TLN2: variants seen among roughly 807,000 people sequenced by gnomAD.
TLN2 encodes the protein talin-2.
A neutral mutation model predicts 294.7 loss-of-function variants in TLN2; 118 were observed. The ratio of observed to expected loss-of-function variants is 0.40; its 90% CI spans 0.34 to 0.47. The LOEUF is 0.47. Among genes scored for constraint, TLN2 ranks in the 20% least tolerant of loss-of-function variants. The pLI, the probability that TLN2 is intolerant of heterozygous loss-of-function variation, is 0.84. For missense variants in TLN2, 3,083 were observed against 3,282.2 expected, an observed-to-expected ratio of 0.94 and a Z score of 1.48; for synonymous variants, 1,431 against 1,304.5, an observed-to-expected ratio of 1.10 and a Z score of -2.09.
chr15:62,673,424 C>G (rs565835963), intron 9 of TLN2, among the ~76,000 whole-genome samples: 8 of 140,988 alleles, frequency 5.7e-5, no homozygotes, highest in African/African-American at 2.1e-4. Context: ...TTCGCCTCTT[C>G]CATGGAGAAC....
chr15:62,529,711 T>G (rs2140493370), intron 1 of TLN2, among the ~76,000 whole-genome samples: 1 of 152,314 alleles, frequency 6.6e-6, no homozygotes, highest in East Asian at 1.9e-4. Flanking sequence ...TAAGCACAAG[T>G]GATAGTATAC....
chr15:62,755,719 T>C (rs751137908), intron 37 of TLN2, 26 bp downstream of exon 37: 20 of 1,613,194 alleles, frequency 1.2e-5, no homozygotes, highest in Non-Finnish European at 1.6e-5. Context: ...ACCGGCCTTA[T>C]TGAACTCTGT....
intron 1 of TLN2, among the ~76,000 whole-genome samples, chr15:62,409,100 C>G (rs2033611271): frequency 6.6e-6 from 1 of 151,994 alleles, no homozygotes; most frequent in Admixed American, 6.6e-5. Context: ...GCTTCAGCCT[C>G]CTAAGTAGCT....
At position 62,796,143 on chromosome 15, in the gene TLN2, C is replaced by G; in HGVS notation, c.5900C>G (p.Ser1967Trp). The change falls in exon 47 of 59, where the codon TCG becomes TGG. Residue 1967 changes from serine to tryptophan, a missense_variant. By Grantham distance (177) the Ser-to-Trp change is radical. Transcript: ENST00000636159. ...TGCCTACAGGTCTCCTTGGTGCTCT[C>G]GGCTCTCCAGGCCGGGAACAAAGGA... is the stretch of plus-strand genomic sequence containing the variant. ...AVTEKVSLVLSALQAGNKGTQ... is the reference protein window; with the variant it reads ...AVTEKVSLVLWALQAGNKGTQ... 1.9e-6 allele frequency: 3 copies of G among 1,614,136 alleles called. No homozygotes were observed. Among genetic ancestry groups the G allele is most frequent in the Non-Finnish European group, 2.5e-6 (3 of 1,179,970 alleles).
chr15:62,815,227 A>ACT (rs2067019522), intron 52 of TLN2, among the ~76,000 whole-genome samples: 1 of 126,816 alleles, frequency 7.9e-6, no homozygotes, highest in African/African-American at 3.0e-5. Context: ...ACACACACAC[A>ACT]CACACTCACT....
intron 3 of TLN2, chr15:62,638,547 G>A (rs1299196602): frequency 2.2e-6 from 1 of 456,042 alleles, no homozygotes; most frequent in East Asian, 6.9e-5. Context: ...AGTGTGAGAA[G>A]GTCTGGTTGT....
chr15:62,743,994 A>C (rs1418680925), intron 32 of TLN2, among the ~76,000 whole-genome samples: 10 of 152,124 alleles, frequency 6.6e-5, no homozygotes, highest in African/African-American at 2.4e-4. Context: ...ATGGTCTAGC[A>C]AGCAGCACAA....
chr15:62,749,134 G>A (rs557059112), intron 33 of TLN2, among the ~76,000 whole-genome samples: 1 of 152,334 alleles, frequency 6.6e-6, no homozygotes, highest in African/African-American at 2.4e-5. Flanking sequence ...GTAGATGTGG[G>A]TTGGTTGTCC....
In TLN2 at chr15:62,656,066, C is replaced by T. The variant is rs528078547; in HGVS notation, c.640C>T (p.Leu214=). Residue 214 remains leucine (L), a synonymous_variant, in exon 8 of 59, where the codon CTG becomes TTG. Coordinates refer to ENST00000636159, the MANE Select transcript of TLN2 (RefSeq NM_015059.3). ...QNVDSRDPVQ[L]NLLYVQARDD... ...TGTAGATTCGAGAGACCCCGTGCAGCTGAACTTGCTTTATGTTCAGGTACA... is the reference window on the plus strand; with the variant it reads ...TGTAGATTCGAGAGACCCCGTGCAGTTGAACTTGCTTTATGTTCAGGTACA... The T allele has an allele frequency of 1.2e-5, 20 of 1,614,196 alleles. No individual in the cohort carries two copies. The South Asian group carries it at 1.5e-4, about 12-fold the overall frequency.
chr15:62,528,149 T>C (rs1161411508), intron 1 of TLN2, among the ~76,000 whole-genome samples: 1 of 152,204 alleles, frequency 6.6e-6, no homozygotes, highest in African/African-American at 2.4e-5. Flanking sequence ...TTTTCAAATA[T>C]TGAGAAAGCT....
chr15:62,825,853 T>TATAC (rs2068127899), intron 54 of TLN2, among the ~76,000 whole-genome samples: 1 of 69,762 alleles, frequency 1.4e-5, no homozygotes, highest in Non-Finnish European at 2.4e-5. Context: ...ATAAATATAT[T>TATAC]ATATATATAT....
At chr15:62,528,491 G>T (rs529847296) in intron 1 of TLN2, among the ~76,000 whole-genome samples, 51 of 152,194 alleles carry the variant, frequency 3.4e-4, no homozygotes, top group African/African-American at 1.1e-3. Flanking sequence ...CTATGTCTGC[G>T]ACACTCTGTT....
chr15:62,565,284 G>T (rs2043301857), intron 1 of TLN2, among the ~76,000 whole-genome samples: 1 of 151,918 alleles, frequency 6.6e-6, no homozygotes, highest in African/African-American at 2.4e-5. Context: ...CATTAGTTTG[G>T]GATAATGAAA....
chr15:62,826,652 C>T (rs1369060419), intron 54 of TLN2, among the ~76,000 whole-genome samples: 1 of 152,152 alleles, frequency 6.6e-6, no homozygotes. Context: ...AGGCTAAGGC[C>T]TCCCTCAAGG....
chr15:62,677,465 G>A (rs1373843004), intron 11 of TLN2, among the ~76,000 whole-genome samples: 1 of 152,164 alleles, frequency 6.6e-6, no homozygotes, highest in Non-Finnish European at 1.5e-5. Context: ...CTGTAATTAG[G>A]AAGAGAAGTT....
chr15:62,477,821 G>A (rs562491926), intron 1 of TLN2, among the ~76,000 whole-genome samples: 6 of 148,262 alleles, frequency 4.0e-5, no homozygotes, highest in African/African-American at 7.5e-5. Context: ...GGGCACTGCT[G>A]TCAAAGGAGA....
intron 3 of TLN2, among the ~76,000 whole-genome samples, chr15:62,636,226 A>G (rs1373638331): frequency 6.7e-6 from 1 of 150,316 alleles, no homozygotes; most frequent in East Asian, 1.9e-4. Context: ...AATGACTTCT[A>G]AGTCTAAGAT....
intron 11 of TLN2, 55 bp downstream of exon 11, chr15:62,675,376 G>C: frequency 1.9e-6 from 3 of 1,575,298 alleles, no homozygotes; most frequent in Non-Finnish European, 2.6e-6. Context: ...TTTTTCTTTT[G>C]TTCAAGCGTT....
intron 1 of TLN2, among the ~76,000 whole-genome samples, chr15:62,492,148 C>T (rs1483740775): frequency 6.6e-6 from 1 of 151,890 alleles, no homozygotes; most frequent in African/African-American, 2.4e-5. Context: ...AAGATTTAGT[C>T]CAGTAAAAGA....
Sources: gnomAD v4.1 joint callset for allele counts (sites outside exome capture counted in the v4.1 genomes callset) on GRCh38, gnomAD v4.1.1 for gene constraint, MANE v1.5 for transcripts, NCBI Gene and HGNC (gene_info 2026-07-23, HGNC 2026-07-21) for gene names.